The following NXF1 variants were observed in gnomAD, a reference collection of about 807,000 sequenced individuals.
The protein encoded by NXF1 is nuclear RNA export factor 1, also known as mRNA export factor TAP.
A neutral mutation model predicts 92.4 loss-of-function variants in NXF1; 43 were observed. The ratio of observed to expected loss-of-function variants is 0.47; its 90% confidence interval spans 0.36 to 0.60. The LOEUF (loss-of-function observed/expected upper bound fraction) is 0.60. Among genes scored for constraint, NXF1 ranks in the 20% least tolerant of loss-of-function variants. NXF1 has a pLI of 0.00. For missense variants in NXF1, 576 were observed against 793.0 expected (o/e 0.73, Z 3.29); for synonymous variants, 288 against 292.2 (o/e 0.99, Z 0.15).
chr11:62,800,280 C>T lies in NXF1; in HGVS notation c.1016+97G>A, dbSNP rs745675525. ...AAGGACAGGTGGTTCCAGCTCAGGGCTGCACATCTCCGCAGACGGGCCCTG... is the reference window on the plus strand; with the variant it reads ...AAGGACAGGTGGTTCCAGCTCAGGGTTGCACATCTCCGCAGACGGGCCCTG... On this transcript the variant is annotated intron_variant, in intron 10 of 20. Coordinates refer to ENST00000294172, the MANE Select transcript of NXF1 (RefSeq NM_006362.5). 3 of 1,578,426 alleles carry T rather than the reference C, an allele frequency of 1.9e-6. No homozygotes were observed. The South Asian group carries it at 3.4e-5, about 18-fold the overall frequency.
At position 62,794,400 on chromosome 11, in the gene NXF1, T is replaced by C. The variant is rs2084400070; in HGVS notation, c.1618A>G (p.Ser540Gly). 1 of 1,613,750 alleles carries C rather than the reference T, an allele frequency of 6.2e-7. No homozygotes were observed. Among genetic ancestry groups the C allele is most frequent in the African/African-American group, 1.3e-5 (1 of 74,918 alleles). Reference protein sequence around the residue: ...VNDELFVRNASSEEIQRAFAM... With the variant: ...VNDELFVRNAGSEEIQRAFAM... The stretch of plus-strand genomic sequence containing the variant: ...AAGGCTCTTTGGATCTCTTCAGAAC[T>C]GGCATTCCGCACAAATAGCTCATCA... The change falls in exon 19 of 21, where the codon AGT becomes GGT. Residue 540 changes from serine (S) to glycine (G), a missense_variant. By Grantham distance (56) the Ser-to-Gly change is moderately conservative. Coordinates refer to ENST00000294172, the MANE Select transcript of NXF1 (RefSeq NM_006362.5).
intron 18 of NXF1, 32 bp from the exon 19 acceptor site, chr11:62,794,472 C>T (rs1410524020): frequency 6.4e-7 from 1 of 1,571,496 alleles, no homozygotes; most frequent in African/African-American, 1.3e-5. Flanking sequence ...AAAAGCTAGA[C>T]AGAGATAACA....
At position 62,801,112 on chromosome 11, in the gene NXF1, T is replaced by C; in HGVS notation, c.888A>G (p.Leu296=). 6.2e-7 allele frequency: 1 copy of C among 1,613,916 alleles called. No homozygotes were observed. Among genetic ancestry groups the C allele is most frequent in the Non-Finnish European group, 8.5e-7 (1 of 1,179,762 alleles). The change falls in exon 9 of 21, where the codon CTA becomes CTG. Residue 296 remains leucine, a synonymous_variant. Coordinates refer to ENST00000294172, the MANE Select transcript of NXF1 (RefSeq NM_006362.5). ...IVQKAPNLKI[L]NLSGNELKSE... is the part of the protein sequence containing the mutation. ...TTCTCACTTCATTTCCAGAAAGGTTTAGGATCTTCAGGTTGGGTGCCTTCT... is the reference window on the plus strand; with the variant it reads ...TTCTCACTTCATTTCCAGAAAGGTTCAGGATCTTCAGGTTGGGTGCCTTCT...
intron 11 of NXF1, among the ~76,000 whole-genome samples, chr11:62,798,250 A>C (rs538469793): frequency 6.6e-6 from 1 of 151,892 alleles, no homozygotes; most frequent in Non-Finnish European, 1.5e-5. Context: ...GAACATGGTG[A>C]AACCCTGTCT....
rs766235809 is a variant in NXF1 at position 62,794,242 on chromosome 11, C to T, written c.1760+16G>A. On this transcript the variant is annotated intron_variant, in intron 19 of 20. Transcript: ENST00000294172. The stretch of plus-strand genomic sequence containing the variant: ...TACTTCAGTGCATCCCCATCCTACA[C>T]ATGCCCCGCACTCACTTCTGGGACC... 7 of 1,604,830 alleles carry T rather than the reference C, an allele frequency of 4.4e-6. No homozygotes were observed. The East Asian group carries it at 1.3e-4, about 31-fold the overall frequency.
intron 7 of NXF1, 64 bp from the exon 8 acceptor site, chr11:62,801,481 G>A (rs948269956): frequency 6.0e-5 from 97 of 1,606,870 alleles, no homozygotes; most frequent in Non-Finnish European, 4.0e-5. Context: ...AGCATTAGCA[G>A]TAAAACATCC....
At position 62,795,789 on chromosome 11, in the gene NXF1, G is replaced by A. The variant is rs1378563688; in HGVS notation, c.1504+112C>T. On this transcript the variant is annotated intron_variant, in intron 17 of 20. Coordinates refer to ENST00000294172, the MANE Select transcript of NXF1 (RefSeq NM_006362.5). ...ACGGCTTGGGGGCAGAATGGGAGAA[G>A]GAGCTCAAAAAGAAAATGGGAGAGA... 6.8e-6 allele frequency: 7 copies of A among 1,032,400 alleles called. No homozygotes were observed. The Admixed American group carries it at 1.0e-4, about 15-fold the overall frequency. The allele number at this position is 1,032,400 out of a possible 1,614,324, so 64.0% of individuals were successfully genotyped here.
intron 15 of NXF1, 47 bp from the exon 16 acceptor site, chr11:62,796,228 G>C: frequency 6.2e-7 from 1 of 1,613,004 alleles, no homozygotes; most frequent in Non-Finnish European, 8.5e-7. Context: ...ACACTCCTGA[G>C]TTCTGACTGA....
At chr11:62,802,099 G>A (rs2084485642) in intron 4 of NXF1, 53 bp from the exon 5 acceptor site, 10 of 1,606,396 alleles carry the variant, frequency 6.2e-6, no homozygotes, top group Middle Eastern at 1.6e-4. Flanking sequence ...CTTGGGGAGG[G>A]GCATTACGCT....
chr11:62,797,352 T>G lies in NXF1; in HGVS notation c.1088A>C (p.Asp363Ala). The G allele has an allele frequency of 6.2e-7, 1 of 1,613,860 alleles. No homozygotes were observed. Among genetic ancestry groups the G allele is most frequent in the East Asian group, 2.2e-5 (1 of 44,880 alleles). The change falls in exon 12 of 21, where the codon GAT (aspartate) becomes GCT (alanine). Residue 363 changes from aspartate to alanine, a missense_variant. By Grantham distance (126) the Asp-to-Ala change is moderately radical. Around this residue, in one of 2 missense-constraint regions of NXF1, gnomAD observed 425 missense variants for 635.2 expected, o/e 0.67. Coordinates refer to ENST00000294172, the MANE Select transcript of NXF1 (RefSeq NM_006362.5). ...GHELPPPIAF[D>A]VEAPTTLPPC... ...CGGTAACGTCGTGGGGGCTTCAACA[T>G]CAAAGGCAATTGGTGGGGGTAGCTC...
At chr11:62,801,868 C>A in intron 5 of NXF1, 49 bp from the exon 6 acceptor site, 1 of 1,603,838 alleles carries the variant, frequency 6.2e-7, no homozygotes, top group Non-Finnish European at 8.5e-7. Flanking sequence ...AAGCCTAAGC[C>A]GCAAGAACAA....
chr11:62,796,688 T>A (rs1253754420), intron 13 of NXF1, 121 bp from the exon 14 acceptor site: 3 of 680,518 alleles, frequency 4.4e-6, no homozygotes, highest in African/African-American at 3.6e-5. Flanking sequence ...TCCCAGCACT[T>A]TGGGAGGCTG....
At chr11:62,800,580 CTTTTCTAATCTTTTAAAATT>C in intron 9 of NXF1, 94 bp from the exon 10 acceptor site, 1 of 627,742 alleles carries the variant, frequency 1.6e-6, no homozygotes, top group South Asian at 2.5e-5. Context: ...GCTCTGAGAT[CTTTTCTAATCTTTTAAAATT>C]TTTTCTTTTT....
At chr11:62,804,769 T>G (rs2084515953) in intron 1 of NXF1, among the ~76,000 whole-genome samples, 1 of 152,158 alleles carries the variant, frequency 6.6e-6, no homozygotes, top group African/African-American at 2.4e-5. Context: ...ACACACACTC[T>G]TAAGAAATGC....
At chr11:62,797,915 G>A (rs2084437731) in intron 11 of NXF1, among the ~76,000 whole-genome samples, 1 of 151,960 alleles carries the variant, frequency 6.6e-6, no homozygotes, top group African/African-American at 2.4e-5. Flanking sequence ...ATTAGTTGAG[G>A]TCAGGAGTTC....
Position 62,802,271 on chromosome 11 carries a change from G to A in NXF1, c.370-11C>T. The stretch of plus-strand genomic sequence containing the variant: ...TCTGCCATAAGGAATCTAGAAATGA[G>A]AGAAAGAGAAAAGAAGGGAATGATA... On this transcript the variant is annotated splice_polypyrimidine_tract_variant and intron_variant, in intron 3 of 20. Coordinates refer to ENST00000294172, the MANE Select transcript of NXF1 (RefSeq NM_006362.5). The A allele has an allele frequency of 1.2e-6, 2 of 1,610,416 alleles. No individual in the cohort carries two copies. The highest frequency in any genetic ancestry group is 1.3e-5 in the African/African-American group (1 of 74,968).
In NXF1 at chr11:62,798,023, C is replaced by G. The variant is rs563194274; in HGVS notation, c.1053+516G>C. On this transcript the variant is annotated intron_variant, in intron 11 of 20. Transcript: ENST00000294172. ...TGGCACATGCCTGTAATCCCAGCTACTCAGGAGGCTGAGGCAGGAGAATCA... is the reference window on the plus strand; with the variant it reads ...TGGCACATGCCTGTAATCCCAGCTAGTCAGGAGGCTGAGGCAGGAGAATCA... Among the ~76,000 whole-genome samples the G allele has an allele frequency of 4.6e-5, 7 of 151,580 alleles. No homozygotes were observed. In the East Asian group the frequency reaches 1.2e-3, roughly 25 times the overall value.
chr11:62,802,624 G>A (rs935097959), intron 3 of NXF1, among the ~76,000 whole-genome samples: 1 of 152,048 alleles, frequency 6.6e-6, no homozygotes, highest in African/African-American at 2.4e-5. Context: ...TTTCTGTAGA[G>A]AAGGGGTCTT....
chr11:62,801,699 T>A (rs1488323351), intron 6 of NXF1, 40 bp downstream of exon 6: 1 of 1,606,042 alleles, frequency 6.2e-7, no homozygotes, highest in Non-Finnish European at 8.5e-7. Context: ...TGAGAAGTAG[T>A]AAGACTGGGT....
Sources: allele counts gnomAD v4.1 joint callset (sites outside exome capture counted in the v4.1 genomes callset), GRCh38; gene constraint gnomAD v4.1.1; regional missense constraint gnomAD v4.1.1; transcripts MANE v1.5; gene names NCBI Gene and HGNC (gene_info 2026-07-23, HGNC 2026-07-21).